Variants in MDM4 observed in about 807,000 individuals in gnomAD.
The protein encoded by MDM4 is protein Mdm4.
A neutral mutation model predicts 60.2 loss-of-function variants in MDM4; 2 were observed. The ratio of observed to expected loss-of-function variants is 0.03; its 90% CI spans 0.01 to 0.10. The LOEUF (loss-of-function observed/expected upper bound fraction) is 0.10, where lower values mean the gene tolerates loss of function less well. Among genes scored for constraint, MDM4 ranks in the 10% least tolerant of loss-of-function variants. The probability of loss-of-function intolerance (pLI) is 1.00; values close to 1 mark genes in which losing one functional copy is unlikely to be tolerated. For synonymous variants in MDM4, 202 were observed against 198.1 expected, an observed-to-expected ratio of 1.02 and a Z score of -0.17; for missense variants, 447 against 577.5, an observed-to-expected ratio of 0.77 and a Z score of 2.32.
At position 204,525,524 on chromosome 1, in the gene MDM4, A is replaced by G. The variant is rs758733517; in HGVS notation, c.6A>G (p.Thr2=). 1 of 1,609,376 alleles carries G rather than the reference A, an allele frequency of 6.2e-7. No individual in the cohort carries two copies. Among genetic ancestry groups the G allele is most frequent in the South Asian group, 1.1e-5 (1 of 89,848 alleles). The change falls in exon 2 of 11, where the codon ACA becomes ACG. Residue 2 remains threonine, a synonymous_variant. Coordinates refer to ENST00000367182, the MANE Select transcript of MDM4 (RefSeq NM_002393.5). ...GCAGTTTCTTCACTACCAAAATGACATCATTTTCCACCTCTGCTCAGTGTT... is the reference window on the plus strand; with the variant it reads ...GCAGTTTCTTCACTACCAAAATGACGTCATTTTCCACCTCTGCTCAGTGTT... M[T]SFSTSAQCST...
intron 2 of MDM4, among the ~76,000 whole-genome samples, chr1:204,526,036 C>T (rs979342917): frequency 6.6e-6 from 1 of 152,172 alleles, no homozygotes; most frequent in African/African-American, 2.4e-5. Context: ...AGGCAGGTCT[C>T]TTGAGCCCAG....
At chr1:204,528,979 G>A (rs905766264) in intron 3 of MDM4, 1 of 1,540,004 alleles carries the variant, frequency 6.5e-7, no homozygotes, top group South Asian at 1.1e-5. Flanking sequence ...AAGCAATCAA[G>A]CTGTCTGGCA....
chr1:204,535,537 T>G (rs1661320379), intron 5 of MDM4, among the ~76,000 whole-genome samples: 1 of 151,948 alleles, frequency 6.6e-6, no homozygotes, highest in African/African-American at 2.4e-5. Flanking sequence ...ACTTTGTGTG[T>G]GTTTATTAAT....
At chr1:204,536,894 C>A in intron 5 of MDM4, 1 of 381,334 alleles carries the variant, frequency 2.6e-6, no homozygotes, top group Non-Finnish European at 5.1e-6. Flanking sequence ...GAATTTAAAC[C>A]ATAAAATTAT....
intron 1 of MDM4, among the ~76,000 whole-genome samples, chr1:204,518,950 C>G (rs1398185265): frequency 6.6e-6 from 1 of 152,208 alleles, no homozygotes. Context: ...GTGTGAGCCA[C>G]TGCTTCTGGC....
rs1429555870 is a variant in MDM4, at chr1:204,554,494, C to CT, written c.*4812_*4813insT. The CT allele has an allele frequency of 1.3e-5, 3 of 224,920 alleles. No individual in the cohort carries two copies. The highest frequency in any genetic ancestry group is 6.7e-5 in the African/African-American group (3 of 44,902). 13.9% of individuals were successfully genotyped at this position (224,920 alleles called of 1,614,324 possible). On this transcript the variant is annotated 3_prime_UTR_variant, in exon 11 of 11. Coordinates refer to ENST00000367182, the MANE Select transcript of MDM4 (RefSeq NM_002393.5). ...TATGTTTTTAGAATCAAAGATGAACCGGTAAGCTGTCTCATGTACCAAACG... is the reference window on the plus strand; with the variant it reads ...TATGTTTTTAGAATCAAAGATGAACCTGGTAAGCTGTCTCATGTACCAAACG...
intron 1 of MDM4, among the ~76,000 whole-genome samples, chr1:204,519,367 C>T (rs914593512): frequency 3.9e-5 from 6 of 151,930 alleles, no homozygotes; most frequent in South Asian, 2.1e-4. Context: ...GTTAGCTGGG[C>T]GTGATGGTGC....
chr1:204,544,447 A>T, intron 8 of MDM4, 88 bp from the exon 9 acceptor site: 3 of 1,298,460 alleles, frequency 2.3e-6, no homozygotes, highest in Non-Finnish European at 3.2e-6. Context: ...TAGTGTGACG[A>T]CATTGAGTTT....
rs1342952545 is a variant in MDM4 at position 204,538,185 on chromosome 1, A to G, written c.412-24A>G. ...GGTCTCAGTTATTTCTACTGCACTGATGGACACCTTTCCCTTCTTTCAGCA... is the reference window on the plus strand; with the variant it reads ...GGTCTCAGTTATTTCTACTGCACTGGTGGACACCTTTCCCTTCTTTCAGCA... On this transcript the variant is annotated intron_variant, in intron 6 of 10. Coordinates refer to ENST00000367182, the MANE Select transcript of MDM4 (RefSeq NM_002393.5). 3 of 1,352,430 alleles carry G rather than the reference A, an allele frequency of 2.2e-6. No homozygotes were observed. In the African/African-American group the frequency reaches 4.3e-5, roughly 19 times the overall value. The allele number at this position is 1,352,430 out of a possible 1,614,324, so 83.8% of individuals were successfully genotyped here.
chr1:204,541,908 G>T (rs938751223), intron 7 of MDM4, among the ~76,000 whole-genome samples: 7 of 152,092 alleles, frequency 4.6e-5, no homozygotes, highest in Admixed American at 3.9e-4. Context: ...TGGTTGCTAT[G>T]GGCAGGCCTA....
intron 5 of MDM4, among the ~76,000 whole-genome samples, chr1:204,535,989 C>T (rs566188436): frequency 4.6e-5 from 7 of 151,542 alleles, no homozygotes; most frequent in African/African-American, 1.5e-4. Context: ...CTGGCCTGTG[C>T]GGTGGCTCAT....
chr1:204,541,369 A>C (rs1389644522), intron 7 of MDM4, among the ~76,000 whole-genome samples: 1 of 152,172 alleles, frequency 6.6e-6, no homozygotes, highest in African/African-American at 2.4e-5. Flanking sequence ...CAGGAGGCTG[A>C]GATGGAAGGA....
At chr1:204,536,773 A>G (rs1402317708) in intron 5 of MDM4, 6 of 180,558 alleles carry the variant, frequency 3.3e-5, no homozygotes, top group African/African-American at 2.4e-5. Context: ...GGTTCTTTTT[A>G]TTGGCCTTGA....
intron 10 of MDM4, 66 bp from the exon 11 acceptor site, chr1:204,549,047 T>A (rs1466251231): frequency 4.0e-6 from 4 of 992,178 alleles, no homozygotes; most frequent in Admixed American, 2.2e-5. Flanking sequence ...GAATTTGACC[T>A]CCTTTCCTTT....
At chr1:204,529,627 A>G in intron 3 of MDM4, 1 of 1,057,914 alleles carries the variant, frequency 9.5e-7, no homozygotes, top group South Asian at 1.7e-5. Flanking sequence ...GGTAGTAGCT[A>G]CCCGGAGGGG....
rs144402622 is a variant in MDM4 at position 204,543,852 on chromosome 1, A to G, written c.673-683A>G. ...TGTTGTCTGTTTACCACTGAAATGT[A>G]AGGCCAGGGCTTTTGTATTATTCAC... On this transcript the variant is annotated intron_variant, in intron 8 of 10. Transcript: ENST00000367182. Among the ~76,000 whole-genome samples the G allele has an allele frequency of 7.2e-5, 11 of 152,356 alleles. 1 individual carries two copies. In the East Asian group the frequency reaches 2.1e-3, roughly 29 times the overall value.
chr1:204,548,018 G>A (rs181488714), intron 10 of MDM4, among the ~76,000 whole-genome samples: 4 of 152,274 alleles, frequency 2.6e-5, no homozygotes, highest in Non-Finnish European at 1.5e-5. Flanking sequence ...CACCACTCCC[G>A]GCCATGTTTC....
At chr1:204,543,162 C>T (rs1662298733) in intron 8 of MDM4, among the ~76,000 whole-genome samples, 1 of 152,180 alleles carries the variant, frequency 6.6e-6, no homozygotes, top group Non-Finnish European at 1.5e-5. Flanking sequence ...TAACTAACAA[C>T]TCTACTTAGA....
chr1:204,519,209 G>C (rs554029515), intron 1 of MDM4, among the ~76,000 whole-genome samples: 1 of 152,302 alleles, frequency 6.6e-6, no homozygotes, highest in South Asian at 2.1e-4. Flanking sequence ...GCAAGCTGTT[G>C]AGCAGGGCCT....
Sources: gnomAD v4.1 joint callset for allele counts (sites outside exome capture counted in the v4.1 genomes callset) on GRCh38, gnomAD v4.1.1 for gene constraint, MANE v1.5 for transcripts, NCBI Gene and HGNC (gene_info 2026-07-23, HGNC 2026-07-21) for gene names.